Variants in ASIC2 observed in about 807,000 individuals in gnomAD.
ASIC2 encodes acid sensing ion channel subunit 2, also known as acid-sensing ion channel 2.
ASIC2 carries 25 observed loss-of-function variants against 57.3 expected under a neutral mutation model. That is an observed-to-expected ratio of 0.44 (90% CI 0.32 to 0.61). ASIC2 has a LOEUF of 0.61. ASIC2 is among the 20% of genes least tolerant of loss of function. The probability of loss-of-function intolerance (pLI) is 0.06; values close to 1 mark genes in which losing one functional copy is unlikely to be tolerated. For missense variants in ASIC2, 641 were observed against 738.1 expected (o/e 0.87, Z 1.52); for synonymous variants, 319 against 307.5 (o/e 1.04, Z -0.39).
chr17:33,242,369 G>A (rs1908539336), intron 1 of ASIC2, among the ~76,000 whole-genome samples: 1 of 151,582 alleles, frequency 6.6e-6, no homozygotes, highest in Non-Finnish European at 1.5e-5. Flanking sequence ...AGTCTTCCAT[G>A]ATCTTTCAGA....
At chr17:33,815,756 AAT>A (rs771110003) in intron 1 of ASIC2, among the ~76,000 whole-genome samples, 91 of 152,186 alleles carry the variant, frequency 6.0e-4, no homozygotes, top group Non-Finnish European at 9.8e-4. Context: ...CCATAGAGAG[AAT>A]ATTAGAAATA....
intron 1 of ASIC2, among the ~76,000 whole-genome samples, chr17:33,136,735 C>T (rs146596365): frequency 6.6e-6 from 1 of 152,332 alleles, no homozygotes; most frequent in African/African-American, 2.4e-5. Flanking sequence ...GCTCATATGA[C>T]CATTGCTCAC....
At chr17:33,787,756 G>C (rs1453126416) in intron 1 of ASIC2, among the ~76,000 whole-genome samples, 1 of 152,120 alleles carries the variant, frequency 6.6e-6, no homozygotes, top group Non-Finnish European at 1.5e-5. Flanking sequence ...TGTGTGATAT[G>C]GTTTGGGTCT....
intron 1 of ASIC2, among the ~76,000 whole-genome samples, chr17:33,190,777 T>C (rs541322866): frequency 1.1e-4 from 17 of 152,236 alleles, no homozygotes; most frequent in African/African-American, 3.6e-4. Flanking sequence ...GAGATGCCAC[T>C]ACACTAAGCA....
intron 1 of ASIC2, among the ~76,000 whole-genome samples, chr17:34,013,831 G>A (rs1408553516): frequency 6.6e-6 from 1 of 152,150 alleles, no homozygotes; most frequent in African/African-American, 2.4e-5. Context: ...CCAGGCAGGG[G>A]GCACCTGAAT....
At chr17:33,028,621 A>G (rs557721506) in intron 3 of ASIC2, among the ~76,000 whole-genome samples, 1 of 152,306 alleles carries the variant, frequency 6.6e-6, no homozygotes, top group East Asian at 1.9e-4. Flanking sequence ...TCCTGGCTCA[A>G]GCGATCCTCC....
intron 1 of ASIC2, among the ~76,000 whole-genome samples, chr17:34,027,673 T>A (rs1321178253): frequency 1.3e-5 from 2 of 152,172 alleles, no homozygotes; most frequent in African/African-American, 2.4e-5. Flanking sequence ...AAGTGTAGGA[T>A]CTAGAGATAG....
intron 1 of ASIC2, among the ~76,000 whole-genome samples, chr17:33,353,436 C>A (rs1908258656): frequency 6.6e-6 from 1 of 152,080 alleles, no homozygotes; most frequent in Admixed American, 6.6e-5. Flanking sequence ...TGGGTTCAAG[C>A]AATTCTTCCA....
intron 1 of ASIC2, among the ~76,000 whole-genome samples, chr17:33,280,169 G>C (rs1408936943): frequency 6.6e-6 from 1 of 152,086 alleles, no homozygotes; most frequent in Non-Finnish European, 1.5e-5. Flanking sequence ...TGCTCTTGCT[G>C]TTCCAAAGAC....
At chr17:33,801,957 A>C (rs907900967) in intron 1 of ASIC2, among the ~76,000 whole-genome samples, 5 of 152,226 alleles carry the variant, frequency 3.3e-5, no homozygotes, top group African/African-American at 1.2e-4. Flanking sequence ...CATATTATTC[A>C]AACTATTCTC....
At chr17:33,802,222 A>C (rs1183972653) in intron 1 of ASIC2, among the ~76,000 whole-genome samples, 1 of 152,204 alleles carries the variant, frequency 6.6e-6, no homozygotes, top group African/African-American at 2.4e-5. Context: ...ATTGTGCTAC[A>C]GTTGCCTAGT....
intron 1 of ASIC2, among the ~76,000 whole-genome samples, chr17:33,351,873 GGGAGTC>G (rs1474662566): frequency 6.6e-6 from 1 of 152,224 alleles, no homozygotes; most frequent in Admixed American, 6.5e-5. Context: ...ATGAGGATGG[GGGAGTC>G]GGAACCTCTT....
In ASIC2 at chr17:33,089,131, C is replaced by T. The variant is rs772170547; in HGVS notation, c.860-141G>A. 4 of 1,144,924 alleles carry T rather than the reference C, an allele frequency of 3.5e-6. No individual in the cohort carries two copies. In the African/African-American group the frequency reaches 4.7e-5, roughly 14 times the overall value. The allele number at this position is 1,144,924 out of a possible 1,614,324, so 70.9% of individuals were successfully genotyped here. Reference sequence around the variant, plus strand: ...GCCCCCAAAGGTGTCCACATCCCCACCTCCAGAAACTGTGACTAGGTTGCC... The same window carrying T: ...GCCCCCAAAGGTGTCCACATCCCCATCTCCAGAAACTGTGACTAGGTTGCC... On this transcript the variant is annotated intron_variant, in intron 2 of 9. Transcript: ENST00000225823.
intron 1 of ASIC2, among the ~76,000 whole-genome samples, chr17:33,138,954 T>G (rs1345690863): frequency 6.6e-6 from 1 of 152,198 alleles, no homozygotes; most frequent in Non-Finnish European, 1.5e-5. Context: ...AGTGCCAGCC[T>G]GGGGATCAGA....
intron 1 of ASIC2, among the ~76,000 whole-genome samples, chr17:33,166,399 G>T (rs1456016945): frequency 6.6e-6 from 1 of 152,204 alleles, no homozygotes; most frequent in Non-Finnish European, 1.5e-5. Context: ...TAAGCATAAA[G>T]TTGACAGCCA....
At chr17:33,367,568 T>C (rs2141936039) in intron 1 of ASIC2, among the ~76,000 whole-genome samples, 1 of 152,380 alleles carries the variant, frequency 6.6e-6, no homozygotes, top group African/African-American at 2.4e-5. Context: ...CTTACTCTGA[T>C]ACCTGCCTCC....
At chr17:33,869,316 C>T (rs146735698) in intron 1 of ASIC2, among the ~76,000 whole-genome samples, 71 of 152,186 alleles carry the variant, frequency 4.7e-4, no homozygotes, top group African/African-American at 9.9e-4. Context: ...CTGGTGGGAA[C>T]GTAAAATGGC....
chr17:33,759,322 A>C (rs999302199), intron 1 of ASIC2, among the ~76,000 whole-genome samples: 1 of 152,216 alleles, frequency 6.6e-6, no homozygotes, highest in Non-Finnish European at 1.5e-5. Context: ...AAAATTTCTA[A>C]ACAGCAAAAT....
chr17:34,009,663 T>G (rs118011800), intron 1 of ASIC2, among the ~76,000 whole-genome samples: 1 of 152,196 alleles, frequency 6.6e-6, no homozygotes, highest in Non-Finnish European at 1.5e-5. Context: ...TAAGTACCAT[T>G]TATCCCAAGC....
Sources: gnomAD v4.1 joint callset for allele counts (sites outside exome capture counted in the v4.1 genomes callset) on GRCh38, gnomAD v4.1.1 for gene constraint, MANE v1.5 for transcripts, NCBI Gene and HGNC (gene_info 2026-07-23, HGNC 2026-07-21) for gene names.